The following PRELID2 variants were observed in gnomAD, a reference collection of about 807,000 sequenced individuals.
PRELID2 encodes PRELI domain containing 2.
Under a neutral mutation model 28.4 loss-of-function variants are expected in PRELID2, and 25 were observed. The ratio of observed to expected loss-of-function variants is 0.88; its 90% CI spans 0.64 to 1.23. The LOEUF (loss-of-function observed/expected upper bound fraction) is 1.23. Among genes scored for constraint, PRELID2 ranks in the 50% most tolerant of loss-of-function variants. PRELID2 has a pLI of 0.00. For missense variants in PRELID2, 201 were observed against 214.4 expected (o/e 0.94, Z 0.39); for synonymous variants, 76 against 71.6 (o/e 1.06, Z -0.31).
the PRELID2 span, among the ~76,000 whole-genome samples, chr5:145,426,571 T>C: frequency 6.6e-6 from 1 of 152,218 alleles, no homozygotes; most frequent in Non-Finnish European, 1.5e-5. Flanking sequence ...ATAGTCAACA[T>C]TTATGGTACA....
the PRELID2 span, among the ~76,000 whole-genome samples, chr5:145,421,861 TG>T: frequency 1.3e-5 from 2 of 148,246 alleles, no homozygotes; most frequent in Non-Finnish European, 3.0e-5. Flanking sequence ...CTTTCTCTTG[TG>T]GGCATTTAGT....
the PRELID2 span, among the ~76,000 whole-genome samples, chr5:145,417,167 A>G: frequency 9.9e-5 from 15 of 151,964 alleles, no homozygotes; most frequent in South Asian, 2.1e-4. Flanking sequence ...ATAAATTCCT[A>G]GACACATACA....
the PRELID2 span, among the ~76,000 whole-genome samples, chr5:145,265,036 G>T: frequency 6.9e-6 from 1 of 143,970 alleles, no homozygotes; most frequent in African/African-American, 2.5e-5. Context: ...CTGATGACAT[G>T]ATTGTATATT....
chr5:145,589,399 AG>A (rs1753196379), intron 1 of PRELID2, among the ~76,000 whole-genome samples: 1 of 152,172 alleles, frequency 6.6e-6, no homozygotes, highest in African/African-American at 2.4e-5. Flanking sequence ...TGGTTAAAAG[AG>A]TGTAATTTAC....
At chr5:145,763,792 G>A (rs534753348) in intron 6 of PRELID2, among the ~76,000 whole-genome samples, 2 of 152,108 alleles carry the variant, frequency 1.3e-5, no homozygotes, top group Non-Finnish European at 1.5e-5. Context: ...AAAACCTAAG[G>A]CCTGACCAGG....
intron 1 of PRELID2, among the ~76,000 whole-genome samples, chr5:145,744,724 C>T (rs1040274942): frequency 1.3e-5 from 2 of 151,970 alleles, no homozygotes; most frequent in Admixed American, 1.3e-4. Context: ...CCTCAAAGAT[C>T]GAAACTAGAC....
chr5:145,465,477 A>G, the PRELID2 span, among the ~76,000 whole-genome samples: 1 of 152,292 alleles, frequency 6.6e-6, no homozygotes, highest in Non-Finnish European at 1.5e-5. Context: ...CATGGTGAAG[A>G]TGAGCAGTAG....
chr5:145,457,163 G>C, the PRELID2 span, among the ~76,000 whole-genome samples: 1 of 152,078 alleles, frequency 6.6e-6, no homozygotes, highest in Non-Finnish European at 1.5e-5. Context: ...GTAACACAGT[G>C]TAATAAAAAG....
the PRELID2 span, among the ~76,000 whole-genome samples, chr5:145,364,501 C>G: frequency 2.6e-5 from 4 of 151,932 alleles, no homozygotes; most frequent in Non-Finnish European, 5.9e-5. Context: ...AAGGAGAGAA[C>G]ATTTGTTTTA....
At chr5:145,499,894 G>A (rs1311893121) in intron 1 of PRELID2, among the ~76,000 whole-genome samples, 2 of 152,218 alleles carry the variant, frequency 1.3e-5, no homozygotes, top group Non-Finnish European at 2.9e-5. Context: ...ACAAACAAAT[G>A]TGAAATTCCA....
intron 1 of PRELID2, among the ~76,000 whole-genome samples, chr5:145,476,193 G>A (rs1042818931): frequency 1.3e-5 from 2 of 152,138 alleles, no homozygotes; most frequent in African/African-American, 4.8e-5. Flanking sequence ...ATGCACTGGG[G>A]GTAAGGTCTA....
chr5:145,622,633 A>G (rs1386129695), intron 1 of PRELID2, among the ~76,000 whole-genome samples: 2 of 152,162 alleles, frequency 1.3e-5, no homozygotes, highest in South Asian at 2.1e-4. Flanking sequence ...GAGTTAAAGT[A>G]TTATGATTTC....
intron 5 of PRELID2, among the ~76,000 whole-genome samples, chr5:145,779,381 C>T (rs1189957890): frequency 6.6e-6 from 1 of 152,012 alleles, no homozygotes; most frequent in Non-Finnish European, 1.5e-5. Flanking sequence ...AGTTGTTTCA[C>T]ATGGTGTCAT....
intron 1 of PRELID2, among the ~76,000 whole-genome samples, chr5:145,543,861 C>T (rs1752764774): frequency 6.6e-6 from 1 of 152,036 alleles, no homozygotes; most frequent in African/African-American, 2.4e-5. Flanking sequence ...GTTCATAAAG[C>T]TTGTCATTGG....
intron 1 of PRELID2, among the ~76,000 whole-genome samples, chr5:145,583,185 A>T (rs930808448): frequency 6.6e-6 from 1 of 152,166 alleles, no homozygotes; most frequent in African/African-American, 2.4e-5. Flanking sequence ...AACTAAAGAC[A>T]AAAACCACAT....
At position 145,781,837 on chromosome 5, in the gene PRELID2, T is replaced by C. The variant is rs1047403467; in HGVS notation, c.474+14605A>G. Reference sequence around the variant, plus strand: ...TTGTTTTTGGTATTTCAATGCAGCCTGGCCAGAGCTGTAGCAGCTTTCAAT... The same window carrying C: ...TTGTTTTTGGTATTTCAATGCAGCCCGGCCAGAGCTGTAGCAGCTTTCAAT... On this transcript the variant is annotated intron_variant, in intron 5 of 6. Coordinates refer to ENST00000683046, the MANE Select transcript of PRELID2 (RefSeq NM_205846.3). Among the ~76,000 whole-genome samples the C allele has an allele frequency of 2.6e-5, 4 of 150,946 alleles. No homozygotes were observed. In the East Asian group the frequency reaches 5.8e-4, roughly 22 times the overall value.
the PRELID2 span, among the ~76,000 whole-genome samples, chr5:145,435,991 G>A: frequency 1.3e-5 from 2 of 152,078 alleles, no homozygotes; most frequent in Non-Finnish European, 2.9e-5. Context: ...TGTTATATGG[G>A]AAAATTGTGT....
intron 1 of PRELID2, among the ~76,000 whole-genome samples, chr5:145,639,820 T>C (rs1249894536): frequency 6.6e-6 from 1 of 152,308 alleles, no homozygotes; most frequent in South Asian, 2.1e-4. Context: ...ATAGAAAAAT[T>C]CATATCGAAA....
chr5:145,708,060 G>T lies in PRELID2; in HGVS notation n.70+56871C>A, dbSNP rs78732947. 2.3e-3 allele frequency among the ~76,000 whole-genome samples: 345 copies of T among 152,248 alleles called. 6 individuals are homozygous for T. The East Asian group carries it at 0.041, about 18-fold the overall frequency. ...AATGCAATGATTATTCCATGTATCT[G>T]ATGTTGCTCTAGGAAATTTGAGATG... On this transcript the variant is annotated intron_variant and non_coding_transcript_variant, in intron 1 of 2. Transcript: ENST00000510259.
Sources: gnomAD v4.1 joint callset for allele counts (sites outside exome capture counted in the v4.1 genomes callset) on GRCh38, gnomAD v4.1.1 for gene constraint, MANE v1.5 for transcripts, NCBI Gene and HGNC (gene_info 2026-07-23, HGNC 2026-07-21) for gene names.